Variants in MYT1L observed in about 807,000 individuals in gnomAD.
MYT1L encodes the protein myelin transcription factor 1-like protein.
Under a neutral mutation model 126.7 loss-of-function variants are expected in MYT1L, and 12 were observed. That is an observed-to-expected ratio of 0.09 (90% CI 0.06 to 0.15). The LOEUF (loss-of-function observed/expected upper bound fraction) is 0.15, where lower values mean the gene tolerates loss of function less well. MYT1L is among the 10% of genes least tolerant of loss of function. MYT1L has a pLI of 1.00. For synonymous variants in MYT1L, 541 were observed against 604.2 expected (o/e 0.90, Z 1.53); for missense variants, 979 against 1,585.2 (o/e 0.62, Z 6.49).
At chr2:2,229,615 C>G (rs1384529601) in intron 2 of MYT1L, among the ~76,000 whole-genome samples, 1 of 125,146 alleles carries the variant, frequency 8.0e-6, no homozygotes, top group Non-Finnish European at 1.5e-5. Context: ...CAGTTTTTTG[C>G]ACAGATGGGG....
At chr2:2,138,931 A>G (rs920005096) in intron 3 of MYT1L, among the ~76,000 whole-genome samples, 2 of 151,782 alleles carry the variant, frequency 1.3e-5, no homozygotes, top group South Asian at 4.2e-4. Context: ...ACACTGTGCT[A>G]GCTGGGCAGG....
intron 1 of MYT1L, among the ~76,000 whole-genome samples, chr2:2,291,402 C>T (rs1477581045): frequency 6.6e-6 from 1 of 152,198 alleles, no homozygotes; most frequent in African/African-American, 2.4e-5. Context: ...CATGCCTGCC[C>T]ATGACTTCAG....
chr2:2,290,396 T>C (rs538840825), intron 1 of MYT1L, among the ~76,000 whole-genome samples: 3 of 152,334 alleles, frequency 2.0e-5, no homozygotes, highest in East Asian at 3.9e-4. Flanking sequence ...TCTCGAAGAC[T>C]AGCGTGCTGT....
At chr2:1,821,197 T>C (rs951617754) in intron 21 of MYT1L, among the ~76,000 whole-genome samples, 5 of 152,226 alleles carry the variant, frequency 3.3e-5, no homozygotes, top group African/African-American at 1.2e-4. Flanking sequence ...ATCTCTGCCA[T>C]GGGGATTTTC....
intron 9 of MYT1L, among the ~76,000 whole-genome samples, chr2:1,934,367 G>T (rs984912998): frequency 6.8e-6 from 1 of 147,230 alleles, no homozygotes. Flanking sequence ...TTCTATAAAC[G>T]GCCCACCAGC....
At chr2:2,289,903 G>T (rs2095574554) in intron 1 of MYT1L, among the ~76,000 whole-genome samples, 1 of 152,224 alleles carries the variant, frequency 6.6e-6, no homozygotes, top group Non-Finnish European at 1.5e-5. Flanking sequence ...AGCACTGGCA[G>T]CAAGGGCAGG....
At chr2:1,928,231 C>T (rs1002846209) in intron 9 of MYT1L, among the ~76,000 whole-genome samples, 2 of 152,242 alleles carry the variant, frequency 1.3e-5, no homozygotes, top group African/African-American at 2.4e-5. Flanking sequence ...TTAGCTACTG[C>T]ACCTGGTCAT....
intron 3 of MYT1L, among the ~76,000 whole-genome samples, chr2:2,171,080 C>T (rs900514094): frequency 5.3e-5 from 8 of 152,260 alleles, no homozygotes; most frequent in Non-Finnish European, 1.0e-4. Flanking sequence ...GGAGGGGTCC[C>T]GGCGGACACT....
intron 4 of MYT1L, among the ~76,000 whole-genome samples, chr2:2,004,243 G>GTTCTTTCCTGCAGGCA (rs1558697473): frequency 0.034 from 2,971 of 86,994 alleles, 883 homozygotes; most frequent in African/African-American, 0.16. Flanking sequence ...TCCTGCAGGC[G>GTTCTTTCCTGCAGGCA]TTCTTTCCTG....
chr2:1,834,943 AC>A lies in MYT1L; in HGVS notation c.3080+4205del, dbSNP rs1475439933. ...CGGGGATGGATACAGGTACTCCTCC[AC>A]ATAACACGGGGATGGATACAGGTAC... On this transcript the variant is annotated intron_variant, in intron 21 of 24. Coordinates refer to ENST00000647738, the MANE Select transcript of MYT1L (RefSeq NM_001303052.2). Among the ~76,000 whole-genome samples, 42 of 114,508 alleles carry A rather than the reference AC, an allele frequency of 3.7e-4. 8 individuals are homozygous for A. Among genetic ancestry groups the A allele is most frequent in the African/African-American group, 2.1e-3 (41 of 19,776 alleles). The allele number at this position is 114,508 out of a possible 152,430, so 75.1% of individuals were successfully genotyped here. A position where few individuals can be genotyped will look rare whatever the true frequency, so the allele number is the denominator to read the frequency against.
chr2:2,242,060 G>A (rs568726619), intron 2 of MYT1L, among the ~76,000 whole-genome samples: 24 of 152,194 alleles, frequency 1.6e-4, no homozygotes, highest in Non-Finnish European at 3.2e-4. Flanking sequence ...AGGAGAAGGA[G>A]GAGGAAGGCA....
chr2:1,816,077 T>G (rs1181121657), intron 21 of MYT1L: 3 of 152,388 alleles, frequency 2.0e-5, no homozygotes, highest in East Asian at 3.9e-4. Flanking sequence ...GCGACCCTCC[T>G]GCCTCAGCCT....
intron 19 of MYT1L, among the ~76,000 whole-genome samples, chr2:1,849,739 A>C (rs1029943955): frequency 6.6e-6 from 1 of 152,236 alleles, no homozygotes; most frequent in Non-Finnish European, 1.5e-5. Context: ...TCCTCCCACA[A>C]GTTGCATGCT....
intron 18 of MYT1L, among the ~76,000 whole-genome samples, chr2:1,861,424 TCAG>T (rs72076706): frequency 0.017 from 2,644 of 152,242 alleles, 43 homozygotes; most frequent in Non-Finnish European, 0.03. Context: ...TTTTTCCTCT[TCAG>T]CAGAAATGTT....
intron 2 of MYT1L, among the ~76,000 whole-genome samples, chr2:2,273,038 G>A (rs1208821261): frequency 2.0e-5 from 3 of 152,094 alleles, no homozygotes; most frequent in African/African-American, 7.2e-5. Flanking sequence ...GCTCTCAGGG[G>A]CCTGTGCCTT....
intron 21 of MYT1L, among the ~76,000 whole-genome samples, chr2:1,814,198 G>A (rs1184910204): frequency 1.3e-5 from 2 of 151,998 alleles, no homozygotes; most frequent in African/African-American, 2.4e-5. Flanking sequence ...CTGCCGCTAG[G>A]TGAACGCCCC....
chr2:2,314,794 A>T (rs2149637340), intron 1 of MYT1L, among the ~76,000 whole-genome samples: 1 of 152,326 alleles, frequency 6.6e-6, no homozygotes, highest in African/African-American at 2.4e-5. Context: ...AGGCTACAGT[A>T]ATGAAAACAG....
At chr2:1,814,448 G>C (rs1207669351) in intron 21 of MYT1L, among the ~76,000 whole-genome samples, 1 of 152,176 alleles carries the variant, frequency 6.6e-6, no homozygotes, top group African/African-American at 2.4e-5. Context: ...GCTGGTCTGA[G>C]GGTGGTTCCT....
chr2:2,062,503 T>A (rs1053263816), intron 3 of MYT1L, among the ~76,000 whole-genome samples: 11 of 152,196 alleles, frequency 7.2e-5, no homozygotes, highest in African/African-American at 2.4e-4. Context: ...TCTCTTGTAA[T>A]CTCTCTCCTT....
Sources: allele counts gnomAD v4.1 joint callset (sites outside exome capture counted in the v4.1 genomes callset), GRCh38; gene constraint gnomAD v4.1.1; transcripts MANE v1.5; gene names NCBI Gene and HGNC (gene_info 2026-07-23, HGNC 2026-07-21).